The following MARCHF4 variants were observed in gnomAD, a reference collection of about 807,000 sequenced individuals.
MARCHF4 encodes the protein membrane associated ring-CH-type finger 4, also known as E3 ubiquitin-protein ligase MARCHF4.
Under a neutral mutation model 43.9 loss-of-function variants are expected in MARCHF4, and 14 were observed. The ratio of observed to expected loss-of-function variants is 0.32; its 90% CI spans 0.21 to 0.50. The LOEUF (loss-of-function observed/expected upper bound fraction) is 0.50. Among genes scored for constraint, MARCHF4 ranks in the 20% least tolerant of loss-of-function variants. The pLI, the probability that MARCHF4 is intolerant of heterozygous loss-of-function variation, is 0.98. For synonymous variants in MARCHF4, 226 were observed against 213.3 expected (o/e 1.06, Z -0.52); for missense variants, 468 against 536.7 (o/e 0.87, Z 1.27).
intron 3 of MARCHF4, chr2:216,266,163 T>G (rs567193429): frequency 2.7e-4 from 41 of 152,326 alleles, no homozygotes; most frequent in Non-Finnish European, 5.1e-4. Flanking sequence ...AGTGAGTATG[T>G]ATTAATATTA....
intron 1 of MARCHF4, among the ~76,000 whole-genome samples, chr2:216,301,454 A>T (rs1467594349): frequency 6.6e-6 from 1 of 152,216 alleles, no homozygotes; most frequent in Admixed American, 6.5e-5. Context: ...GACTTCAGAG[A>T]GGTCTCCAAA....
At position 216,308,129 on chromosome 2, in the gene MARCHF4, C is replaced by T. The variant is rs148394734; in HGVS notation, c.517-24400G>A. ...TTAGACAAGACAAAAAGGCTGGGTGCGGTAGTTCATGCCTATAATCCCAAC... is the reference window on the plus strand; with the variant it reads ...TTAGACAAGACAAAAAGGCTGGGTGTGGTAGTTCATGCCTATAATCCCAAC... On this transcript the variant is annotated intron_variant, in intron 1 of 3. Transcript: ENST00000273067. 6.6e-5 allele frequency among the ~76,000 whole-genome samples: 10 copies of T among 152,158 alleles called. No homozygotes were observed. The East Asian group carries it at 1.4e-3, about 21-fold the overall frequency.
At position 216,314,366 on chromosome 2, in the gene MARCHF4, C is replaced by T. The variant is rs139195740; in HGVS notation, c.517-30637G>A. 1.1e-3 allele frequency among the ~76,000 whole-genome samples: 172 copies of T among 151,288 alleles called. 3 individuals are homozygous for T. In the East Asian group the frequency reaches 0.032, roughly 28 times the overall value. ...TTTGAGACAGTCTCACTCCACTGCCCAGGCTGGAGTGCAGTGGTGCAATCT... is the reference window on the plus strand; with the variant it reads ...TTTGAGACAGTCTCACTCCACTGCCTAGGCTGGAGTGCAGTGGTGCAATCT... On this transcript the variant is annotated intron_variant, in intron 1 of 3. Coordinates refer to ENST00000273067, the MANE Select transcript of MARCHF4 (RefSeq NM_020814.3).
At chr2:216,328,336 A>C (rs772800419) in intron 1 of MARCHF4, among the ~76,000 whole-genome samples, 5 of 152,160 alleles carry the variant, frequency 3.3e-5, no homozygotes, top group Non-Finnish European at 5.9e-5. Flanking sequence ...TGCCCGGCTA[A>C]TTTTTGTTTT....
intron 1 of MARCHF4, among the ~76,000 whole-genome samples, chr2:216,326,015 G>A (rs1691984391): frequency 6.9e-6 from 1 of 145,378 alleles, no homozygotes; most frequent in Admixed American, 6.9e-5. Flanking sequence ...CCATCAGAGT[G>A]AACAGGCAAC....
intron 3 of MARCHF4, among the ~76,000 whole-genome samples, chr2:216,265,000 C>T (rs1002563325): frequency 1.3e-5 from 2 of 151,956 alleles, no homozygotes; most frequent in African/African-American, 2.4e-5. Context: ...GGCAGCGTAC[C>T]GAAGAAACAG....
chr2:216,257,928 A>T lies in MARCHF4; in HGVS notation c.*1384T>A, dbSNP rs1263656652. ...AATATTACAAACAACAGAGAGTTTT[A>T]AAAAACCCTAAAAACTAGTTTAAAA... On this transcript the variant is annotated 3_prime_UTR_variant, in exon 4 of 4. Transcript: ENST00000273067. 3.3e-5 allele frequency: 5 copies of T among 152,184 alleles called. No homozygotes were observed. The highest frequency in any genetic ancestry group is 7.3e-5 in the Non-Finnish European group (5 of 68,032). The allele number at this position is 152,184 out of a possible 1,614,324, so 9.4% of individuals were successfully genotyped here.
chr2:216,282,978 C>T (rs1370408664), intron 2 of MARCHF4, among the ~76,000 whole-genome samples: 2 of 142,468 alleles, frequency 1.4e-5, no homozygotes, highest in South Asian at 2.1e-4. Context: ...CCAGACCTAC[C>T]GAATACAACA....
chr2:216,333,616 T>A (rs1692113760), intron 1 of MARCHF4, among the ~76,000 whole-genome samples: 1 of 152,208 alleles, frequency 6.6e-6, no homozygotes, highest in South Asian at 2.1e-4. Flanking sequence ...GCAGCTGCAG[T>A]ATAGGAATCA....
At chr2:216,296,687 TG>T (rs2105947440) in intron 1 of MARCHF4, among the ~76,000 whole-genome samples, 1 of 152,386 alleles carries the variant, frequency 6.6e-6, no homozygotes, top group South Asian at 2.1e-4. Context: ...TCATTTTCTC[TG>T]CCCACTTTAT....
At chr2:216,367,899 A>T (rs549496875) in intron 1 of MARCHF4, among the ~76,000 whole-genome samples, 62 of 152,200 alleles carry the variant, frequency 4.1e-4, no homozygotes, top group Middle Eastern at 3.4e-3. Flanking sequence ...ATATTTTTAC[A>T]CTTCTTTTCT....
intron 1 of MARCHF4, among the ~76,000 whole-genome samples, chr2:216,362,218 G>A (rs1276647576): frequency 6.6e-6 from 1 of 152,170 alleles, no homozygotes; most frequent in Non-Finnish European, 1.5e-5. Context: ...TATAGAAACA[G>A]AAAATGAGGT....
chr2:216,360,246 G>A (rs994928196), intron 1 of MARCHF4, among the ~76,000 whole-genome samples: 1 of 152,214 alleles, frequency 6.6e-6, no homozygotes, highest in Admixed American at 6.6e-5. Flanking sequence ...ATGTATTCAT[G>A]TACCATTTAT....
intron 1 of MARCHF4, among the ~76,000 whole-genome samples, chr2:216,360,497 T>C (rs1262642262): frequency 1.3e-5 from 2 of 150,440 alleles, no homozygotes; most frequent in Non-Finnish European, 3.0e-5. Flanking sequence ...TAAATGTATA[T>C]TACTAAGTGA....
chr2:216,370,450 T>C lies in MARCHF4; in HGVS notation c.-190A>G. 1 of 505,472 alleles carries C rather than the reference T, an allele frequency of 2.0e-6. No individual in the cohort carries two copies. The highest frequency in any genetic ancestry group is 3.4e-6 in the Non-Finnish European group (1 of 290,990). The allele number at this position is 505,472 out of a possible 1,614,324, so 31.3% of individuals were successfully genotyped here. A position where few individuals can be genotyped will look rare whatever the true frequency, so the allele number is the denominator to read the frequency against. Reference sequence around the variant, plus strand: ...ACTGAGAAGTGTGAGTCACTGGTTCTGAACTCCACCTGGAAAGCCCAATAA... The same window carrying C: ...ACTGAGAAGTGTGAGTCACTGGTTCCGAACTCCACCTGGAAAGCCCAATAA... On this transcript the variant is annotated 5_prime_UTR_variant, in exon 1 of 4. Transcript: ENST00000273067.
intron 1 of MARCHF4, among the ~76,000 whole-genome samples, chr2:216,341,966 A>G (rs1175088372): frequency 6.6e-6 from 1 of 152,190 alleles, no homozygotes; most frequent in Non-Finnish European, 1.5e-5. Context: ...AAGGTTGGAG[A>G]TGACTGTGGC....
chr2:216,296,147 A>T (rs867912087), intron 1 of MARCHF4, among the ~76,000 whole-genome samples: 4 of 152,156 alleles, frequency 2.6e-5, no homozygotes, highest in South Asian at 2.1e-4. Context: ...CTCCATCTCA[A>T]TAAATAAACA....
At chr2:216,341,917 ATAT>A (rs1354277440) in intron 1 of MARCHF4, among the ~76,000 whole-genome samples, 1 of 152,208 alleles carries the variant, frequency 6.6e-6, no homozygotes, top group Non-Finnish European at 1.5e-5. Flanking sequence ...TATTACGGCA[ATAT>A]TAAATATCAG....
chr2:216,354,915 C>CTTCCTTT (rs1285964287), intron 1 of MARCHF4, among the ~76,000 whole-genome samples: 1 of 98,550 alleles, frequency 1.0e-5, no homozygotes, highest in Non-Finnish European at 2.0e-5. Context: ...TTCTTTCTTT[C>CTTCCTTT]TTTCTTTCTT....
Sources: gnomAD v4.1 joint callset for allele counts (sites outside exome capture counted in the v4.1 genomes callset) on GRCh38, gnomAD v4.1.1 for gene constraint, MANE v1.5 for transcripts, NCBI Gene and HGNC (gene_info 2026-07-23, HGNC 2026-07-21) for gene names.